The following FMO3 variants were observed in gnomAD, a reference collection of about 807,000 sequenced individuals.
The protein encoded by FMO3 is flavin-containing monooxygenase 3.
Under a neutral mutation model 39.4 loss-of-function variants are expected in FMO3, and 40 were observed. That is an observed-to-expected ratio of 1.02 (90% CI 0.79 to 1.32). The LOEUF is 1.32. Ranked by LOEUF, FMO3 falls within the 40% of genes most tolerant of loss-of-function variation. FMO3 has a pLI of 0.00. For synonymous variants in FMO3, 219 were observed against 228.8 expected (o/e 0.96, Z 0.39); for missense variants, 680 against 651.8 (o/e 1.04, Z -0.47).
intron 6 of FMO3, among the ~76,000 whole-genome samples, chr1:171,111,346 A>G (rs1013121751): frequency 2.6e-5 from 4 of 152,152 alleles, no homozygotes; most frequent in African/African-American, 9.7e-5. Context: ...GAGCTCTACT[A>G]GTATCTCCAT....
At chr1:171,116,999 G>T in intron 8 of FMO3, 101 bp from the exon 9 acceptor site, 1 of 865,718 alleles carries the variant, frequency 1.2e-6, no homozygotes. Context: ...GAGAGAGATT[G>T]ATGTTAATTC....
chr1:171,112,047 G>C (rs1167247627), intron 6 of FMO3, among the ~76,000 whole-genome samples: 4 of 152,140 alleles, frequency 2.6e-5, no homozygotes, highest in Non-Finnish European at 5.9e-5. Context: ...TGAGCCATGA[G>C]GGTCTCAGGG....
At chr1:171,097,880 G>A (rs1655179869) in intron 2 of FMO3, among the ~76,000 whole-genome samples, 1 of 152,116 alleles carries the variant, frequency 6.6e-6, no homozygotes, top group Non-Finnish European at 1.5e-5. Context: ...CCTATGTCCT[G>A]AATGGTAATG....
chr1:171,109,594 G>A (rs1655810969), intron 5 of FMO3, among the ~76,000 whole-genome samples: 1 of 134,356 alleles, frequency 7.4e-6, no homozygotes, highest in Non-Finnish European at 1.5e-5. Flanking sequence ...GAGTGCAGTG[G>A]CACAATCTCG....
At chr1:171,093,725 AT>A (rs1204457172) in intron 2 of FMO3, among the ~76,000 whole-genome samples, 2 of 151,478 alleles carry the variant, frequency 1.3e-5, no homozygotes, top group African/African-American at 4.9e-5. Flanking sequence ...GTTGGGTCAA[AT>A]GGTAGTTCTA....
Position 171,114,042 on chromosome 1 carries a change from T to C in FMO3, c.863T>C (p.Leu288Pro). ...AAAGAGCCTGTATTTAACGATGAGC[T>C]CCCAGCAAGCATTCTGTGTGGCATT... ...LRKEPVFNDE[L>P]PASILCGIVS... Residue 288 changes from leucine to proline, a missense_variant, in exon 7 of 9, where the codon CTC (leucine) becomes CCC (proline). By Grantham distance (98) the Leu-to-Pro change is moderately conservative (BLOSUM62 -3). Transcript: ENST00000367755. The C allele has an allele frequency of 6.2e-7, 1 of 1,612,282 alleles. No individual in the cohort carries two copies.
At chr1:171,094,522 G>C (rs1048197090) in intron 2 of FMO3, among the ~76,000 whole-genome samples, 8 of 152,048 alleles carry the variant, frequency 5.3e-5, no homozygotes, top group African/African-American at 1.9e-4. Context: ...CTTAGTCATA[G>C]CCTAGGTAAA....
chr1:171,091,892 CGTGTGT>C (rs10594148), intron 1 of FMO3, among the ~76,000 whole-genome samples: 7 of 147,394 alleles, frequency 4.7e-5, no homozygotes, highest in South Asian at 2.1e-4. Context: ...ATACAGATTG[CGTGTGT>C]GTGTGTGTGT....
intron 3 of FMO3, 74 bp downstream of exon 3, chr1:171,104,047 G>T: frequency 9.2e-7 from 1 of 1,088,958 alleles, no homozygotes; most frequent in Non-Finnish European, 1.4e-6. Context: ...ATTCTCATTT[G>T]TTCCTTTCAG....
intron 2 of FMO3, among the ~76,000 whole-genome samples, chr1:171,095,330 T>C (rs559115781): frequency 3.3e-5 from 5 of 152,072 alleles, no homozygotes; most frequent in Admixed American, 2.0e-4. Flanking sequence ...GTAATAAGGG[T>C]TCTATTAGCA....
chr1:171,097,815 T>G (rs1420277010), intron 2 of FMO3, among the ~76,000 whole-genome samples: 3 of 152,078 alleles, frequency 2.0e-5, no homozygotes, highest in Non-Finnish European at 4.4e-5. Flanking sequence ...ATTTGTCAAT[T>G]TTGGCTTTTG....
chr1:171,111,221 G>A (rs1655895714), intron 6 of FMO3, among the ~76,000 whole-genome samples: 1 of 152,146 alleles, frequency 6.6e-6, no homozygotes, highest in South Asian at 2.1e-4. Context: ...AGTCCCGGGA[G>A]TAATGATAAT....
In FMO3 at chr1:171,114,152, G is replaced by A. The variant is rs1256810941; in HGVS notation, c.973G>A (p.Val325Ile). The change falls in exon 7 of 9, where the codon GTA (valine) becomes ATA (isoleucine). Residue 325 changes from valine to isoleucine, a missense_variant. By Grantham distance (29) the Val-to-Ile change is conservative. Coordinates refer to ENST00000367755, the MANE Select transcript of FMO3 (RefSeq NM_001002294.3). ...DGTIFEGIDC[V>I]IFATGYSFAY... ...GACCATATTTGAGGGCATTGACTGTGTAATCTTTGCAACAGGGTATAGTTT... is the reference window on the plus strand; with the variant it reads ...GACCATATTTGAGGGCATTGACTGTATAATCTTTGCAACAGGGTATAGTTT... 2 of 1,614,054 alleles carry A rather than the reference G, an allele frequency of 1.2e-6. No homozygotes were observed. Among genetic ancestry groups the A allele is most frequent in the Admixed American group, 1.7e-5 (1 of 60,008 alleles).
chr1:171,097,242 A>G (rs1399042424), intron 2 of FMO3, among the ~76,000 whole-genome samples: 4 of 133,274 alleles, frequency 3.0e-5, no homozygotes, highest in African/African-American at 9.3e-5. Flanking sequence ...ATAGTGCTGC[A>G]ATAAACATAC....
At chr1:171,110,685 C>T in intron 5 of FMO3, 113 bp from the exon 6 acceptor site, 2 of 987,956 alleles carry the variant, frequency 2.0e-6, no homozygotes, top group Non-Finnish European at 3.3e-6. Context: ...CTTCTGACAC[C>T]ACTTTCTGCA....
At chr1:171,096,859 A>G (rs1655117889) in intron 2 of FMO3, among the ~76,000 whole-genome samples, 1 of 150,750 alleles carries the variant, frequency 6.6e-6, no homozygotes, top group East Asian at 1.9e-4. Context: ...TTACATATGT[A>G]TACATGTGCC....
chr1:171,104,354 T>A (rs949750408), intron 3 of FMO3, among the ~76,000 whole-genome samples: 2 of 152,090 alleles, frequency 1.3e-5, no homozygotes, highest in Admixed American at 1.3e-4. Context: ...GTATCAATAC[T>A]TGTGGGAAAC....
At chr1:171,096,665 T>C (rs1369584109) in intron 2 of FMO3, among the ~76,000 whole-genome samples, 1 of 94,334 alleles carries the variant, frequency 1.1e-5, no homozygotes, top group Non-Finnish European at 2.4e-5. Context: ...ATATTTAAAA[T>C]ATATATTTTA....
At chr1:171,096,175 TATA>T (rs1655027756) in intron 2 of FMO3, among the ~76,000 whole-genome samples, 2 of 74,040 alleles carry the variant, frequency 2.7e-5, no homozygotes, top group Admixed American at 2.7e-4. Flanking sequence ...TATAATTATA[TATA>T]ATATATTAAT....
Sources: gnomAD v4.1 joint callset for allele counts (sites outside exome capture counted in the v4.1 genomes callset) on GRCh38, gnomAD v4.1.1 for gene constraint, MANE v1.5 for transcripts, NCBI Gene and HGNC (gene_info 2026-07-23, HGNC 2026-07-21) for gene names.